Variants in P4HA1 observed in about 807,000 individuals in gnomAD.
P4HA1 encodes the protein prolyl 4-hydroxylase subunit alpha 1.
A neutral mutation model predicts 72.8 loss-of-function variants in P4HA1; 24 were observed. The ratio of observed to expected loss-of-function variants is 0.33; its 90% CI spans 0.24 to 0.46. The LOEUF (loss-of-function observed/expected upper bound fraction) is 0.46, where lower values mean the gene tolerates loss of function less well. Among genes scored for constraint, P4HA1 ranks in the 20% least tolerant of loss-of-function variants. The probability of loss-of-function intolerance (pLI) is 1.00; values close to 1 mark genes in which losing one functional copy is unlikely to be tolerated. For synonymous variants in P4HA1, 201 were observed against 218.8 expected (o/e 0.92, Z 0.72); for missense variants, 446 against 640.6 (o/e 0.70, Z 3.28).
chr10:73,056,179 CATATT>C (rs1436591604), intron 5 of P4HA1, among the ~76,000 whole-genome samples: 1 of 151,976 alleles, frequency 6.6e-6, no homozygotes, highest in Non-Finnish European at 1.5e-5. Flanking sequence ...GTGGCTGAAA[CATATT>C]ATAGCTAAAA....
intron 1 of P4HA1, among the ~76,000 whole-genome samples, chr10:73,081,009 C>T (rs538995594): frequency 6.6e-6 from 1 of 152,218 alleles, no homozygotes; most frequent in Non-Finnish European, 1.5e-5. Context: ...AAGCAGCTTG[C>T]AAAGAGAATC....
intron 3 of P4HA1, among the ~76,000 whole-genome samples, 167 bp downstream of exon 3, chr10:73,073,564 G>C (rs1397040536): frequency 3.9e-5 from 6 of 152,108 alleles, no homozygotes; most frequent in African/African-American, 1.4e-4. Flanking sequence ...TCTTCCATGT[G>C]AAAGTTGGCC....
At chr10:73,037,859 C>T (rs1840635479) in intron 9 of P4HA1, among the ~76,000 whole-genome samples, 1 of 151,226 alleles carries the variant, frequency 6.6e-6, no homozygotes, top group Non-Finnish European at 1.5e-5. Context: ...AAAGCTGAAC[C>T]ACTCAAAACT....
intron 1 of P4HA1, among the ~76,000 whole-genome samples, chr10:73,093,857 A>AT (rs1564640825): frequency 1.2e-4 from 8 of 64,448 alleles, no homozygotes; most frequent in African/African-American, 6.4e-4. Context: ...AAAAAAAAAA[A>AT]AAAAAAAAAA....
At chr10:73,008,823 T>C (rs964979410) in intron 14 of P4HA1, among the ~76,000 whole-genome samples, 1 of 144,066 alleles carries the variant, frequency 6.9e-6, no homozygotes, top group African/African-American at 2.9e-5. Flanking sequence ...CAGTTAATTT[T>C]CTATTTTTTT....
At chr10:73,037,542 TATATATATATATATATATATATATA>T (rs1840610108) in intron 9 of P4HA1, among the ~76,000 whole-genome samples, 3 of 22,766 alleles carry the variant, frequency 1.3e-4, no homozygotes, top group Admixed American at 6.0e-4. Flanking sequence ...TATATATATA[TATATATATATATATATATATATATA>T]TATATTTTTT....
intron 9 of P4HA1, among the ~76,000 whole-genome samples, chr10:73,037,776 C>G (rs1342536887): frequency 1.3e-5 from 2 of 150,188 alleles, no homozygotes; most frequent in Non-Finnish European, 3.0e-5. Flanking sequence ...TTTCAGTTAT[C>G]TCAGTCTGAG....
chr10:73,093,232 G>A (rs1456044717), intron 1 of P4HA1, among the ~76,000 whole-genome samples: 1 of 151,916 alleles, frequency 6.6e-6, no homozygotes, highest in Non-Finnish European at 1.5e-5. Context: ...CACTAAACAT[G>A]AGGAAGAGAA....
rs1042977417 is a variant in P4HA1 at position 73,039,567 on chromosome 10, A to G, written c.1148+5414T>C. Among the ~76,000 whole-genome samples the G allele has an allele frequency of 2.6e-5, 4 of 152,062 alleles. No homozygotes were observed. In the East Asian group the frequency reaches 7.7e-4, roughly 29 times the overall value. On this transcript the variant is annotated intron_variant, in intron 9 of 14. Transcript: ENST00000394890. Reference sequence around the variant, plus strand: ...CGGGATCTGCCCGCCTGGGCCTCCCAAAGTGCTAGGATTACAGGCGTGAGC... The same window carrying G: ...CGGGATCTGCCCGCCTGGGCCTCCCGAAGTGCTAGGATTACAGGCGTGAGC...
At chr10:73,012,807 T>G (rs532569243) in intron 12 of P4HA1, among the ~76,000 whole-genome samples, 1 of 152,274 alleles carries the variant, frequency 6.6e-6, no homozygotes, top group South Asian at 2.1e-4. Flanking sequence ...TTATTTTTAT[T>G]TTTTGAGATG....
At chr10:73,072,797 T>C (rs1179823358) in intron 3 of P4HA1, among the ~76,000 whole-genome samples, 1 of 152,160 alleles carries the variant, frequency 6.6e-6, no homozygotes, top group Non-Finnish European at 1.5e-5. Context: ...AAAGGATAAG[T>C]AGAATTGGAA....
At chr10:73,081,883 G>C (rs550944446) in intron 1 of P4HA1, among the ~76,000 whole-genome samples, 2 of 152,302 alleles carry the variant, frequency 1.3e-5, no homozygotes, top group South Asian at 4.1e-4. Context: ...GGGCGTGGTA[G>C]CGTGTGCCTC....
At chr10:73,060,688 CCT>C (rs1356947655) in intron 5 of P4HA1, among the ~76,000 whole-genome samples, 1 of 152,138 alleles carries the variant, frequency 6.6e-6, no homozygotes, top group East Asian at 1.9e-4. Flanking sequence ...AAGGAAGTTT[CCT>C]CTCTATCAAA....
At chr10:73,092,763 C>G (rs971448957) in intron 1 of P4HA1, among the ~76,000 whole-genome samples, 6 of 151,358 alleles carry the variant, frequency 4.0e-5, no homozygotes, top group African/African-American at 1.5e-4. Context: ...ATAAAATAAA[C>G]CACTAAATTA....
At chr10:73,077,817 CAA>C (rs11334323) in intron 1 of P4HA1, among the ~76,000 whole-genome samples, 7,424 of 133,870 alleles carry the variant, frequency 0.055, 567 homozygotes, top group African/African-American at 0.18. Context: ...TTCATCTCTA[CAA>C]AAAAAAAAAA....
chr10:73,050,699 C>CAAAA (rs11389497), intron 7 of P4HA1, among the ~76,000 whole-genome samples: 1 of 106,338 alleles, frequency 9.4e-6, no homozygotes, highest in East Asian at 2.6e-4. Flanking sequence ...GACTCCATCT[C>CAAAA]AAAAAAAAAA....
chr10:73,093,670 C>T lies in P4HA1; in HGVS notation c.-33+3096G>A, dbSNP rs956642825. Among the ~76,000 whole-genome samples the T allele has an allele frequency of 1.0e-4, 15 of 150,120 alleles. No homozygotes were observed. In the South Asian group the frequency reaches 1.3e-3, roughly 13 times the overall value. ...CATCCTGGTTAACACGGTGTAACCC[C>T]GTCTCTACTAAAAATACAAAAAATT... On this transcript the variant is annotated intron_variant, in intron 1 of 14. Transcript: ENST00000394890.
intron 1 of P4HA1, among the ~76,000 whole-genome samples, chr10:73,095,720 C>T (rs948705272): frequency 1.3e-5 from 2 of 152,048 alleles, no homozygotes; most frequent in East Asian, 1.9e-4. Context: ...TAGATCAATT[C>T]CTAAAAGAGG....
chr10:73,061,878 G>A (rs989180687), intron 5 of P4HA1, among the ~76,000 whole-genome samples: 7 of 152,108 alleles, frequency 4.6e-5, no homozygotes, highest in African/African-American at 1.7e-4. Context: ...AATCAGCCAG[G>A]TGTGGTGGCA....
Sources: allele counts gnomAD v4.1 joint callset (sites outside exome capture counted in the v4.1 genomes callset), GRCh38; gene constraint gnomAD v4.1.1; transcripts MANE v1.5; gene names NCBI Gene and HGNC (gene_info 2026-07-23, HGNC 2026-07-21).